Variants in HEMK2 observed in about 807,000 individuals in gnomAD.
HEMK2 encodes methyltransferase HEMK2.
At chr21:28,687,038 T>C in the HEMK2 span, among the ~76,000 whole-genome samples, 1 of 152,110 alleles carries the variant, frequency 6.6e-6, no homozygotes, top group East Asian at 1.9e-4. Context: ...GTATCAGAGG[T>C]TGAACAAAAG....
chr21:28,818,538 C>T, the HEMK2 span, among the ~76,000 whole-genome samples: 1 of 152,176 alleles, frequency 6.6e-6, no homozygotes, highest in Non-Finnish European at 1.5e-5. Flanking sequence ...TAGACAGAGC[C>T]TGAGACCCTC....
chr21:28,647,549 A>G, the HEMK2 span, among the ~76,000 whole-genome samples: 2 of 149,932 alleles, frequency 1.3e-5, no homozygotes, highest in Non-Finnish European at 3.0e-5. Flanking sequence ...GCACTGGGGG[A>G]ATTCTGAGGG....
chr21:28,661,034 T>C, the HEMK2 span, among the ~76,000 whole-genome samples: 1,277 of 152,230 alleles, frequency 8.4e-3, 14 homozygotes, highest in African/African-American at 0.029. Context: ...TTGTTAAAAA[T>C]ATCTTACCTT....
chr21:28,712,191 T>C, the HEMK2 span, among the ~76,000 whole-genome samples: 1 of 152,188 alleles, frequency 6.6e-6, no homozygotes, highest in Admixed American at 6.6e-5. Context: ...AAAGGATCCC[T>C]GGTTGCCCAC....
At chr21:28,850,016 C>T in the HEMK2 span, among the ~76,000 whole-genome samples, 1 of 152,050 alleles carries the variant, frequency 6.6e-6, no homozygotes, top group African/African-American at 2.4e-5. Context: ...GCACAGAACC[C>T]CTGTGAGATA....
At chr21:28,799,970 A>G in the HEMK2 span, among the ~76,000 whole-genome samples, 7 of 152,226 alleles carry the variant, frequency 4.6e-5, no homozygotes, top group Admixed American at 1.3e-4. Flanking sequence ...TACAAGTAAG[A>G]GCATTTTCCA....
At chr21:28,821,386 A>G in the HEMK2 span, among the ~76,000 whole-genome samples, 1 of 152,232 alleles carries the variant, frequency 6.6e-6, no homozygotes, top group Non-Finnish European at 1.5e-5. Flanking sequence ...TGGAGATAAT[A>G]GCAAAACTGG....
At chr21:28,883,372 G>A in the HEMK2 span, among the ~76,000 whole-genome samples, 2 of 152,072 alleles carry the variant, frequency 1.3e-5, no homozygotes, top group Non-Finnish European at 1.5e-5. Flanking sequence ...TGTTAATCTA[G>A]GGTTGGAAAT....
chr21:28,776,935 C>A, the HEMK2 span, among the ~76,000 whole-genome samples: 3 of 152,154 alleles, frequency 2.0e-5, no homozygotes, highest in African/African-American at 7.2e-5. Flanking sequence ...GCCACTGACT[C>A]AAAAGTTAAT....
At chr21:28,853,756 A>AC in the HEMK2 span, among the ~76,000 whole-genome samples, 2 of 152,214 alleles carry the variant, frequency 1.3e-5, no homozygotes, top group East Asian at 3.8e-4. Flanking sequence ...GGATGTTGCC[A>AC]CTATTGGAGT....
chr21:28,643,265 G>C, the HEMK2 span, among the ~76,000 whole-genome samples: 1 of 152,214 alleles, frequency 6.6e-6, no homozygotes, highest in Non-Finnish European at 1.5e-5. Context: ...ATGGTGGCAG[G>C]AGGTTGGGAC....
chr21:28,659,868 G>A, the HEMK2 span, among the ~76,000 whole-genome samples: 1 of 152,004 alleles, frequency 6.6e-6, no homozygotes, highest in African/African-American at 2.4e-5. Context: ...ATATGTGCAA[G>A]CACATAAAAA....
the HEMK2 span, among the ~76,000 whole-genome samples, chr21:28,859,775 C>G: frequency 6.6e-6 from 1 of 152,086 alleles, no homozygotes; most frequent in African/African-American, 2.4e-5. Flanking sequence ...GTGTGGAAAC[C>G]TCAGGCTCAC....
At chr21:28,839,794 A>T in the HEMK2 span, among the ~76,000 whole-genome samples, 4 of 152,214 alleles carry the variant, frequency 2.6e-5, no homozygotes, top group Admixed American at 6.5e-5. Context: ...CATACTGCCA[A>T]GAGCAATCTA....
chr21:28,722,043 G>C, the HEMK2 span, among the ~76,000 whole-genome samples: 1 of 151,356 alleles, frequency 6.6e-6, no homozygotes, highest in East Asian at 1.9e-4. Flanking sequence ...GATATAAAAA[G>C]AAACAGACAT....
the HEMK2 span, among the ~76,000 whole-genome samples, chr21:28,687,288 A>T: frequency 6.6e-6 from 1 of 152,120 alleles, no homozygotes; most frequent in South Asian, 2.1e-4. Context: ...TGGGGCTAGG[A>T]CCCCTGGATT....
the HEMK2 span, among the ~76,000 whole-genome samples, chr21:28,735,249 A>G: frequency 6.6e-6 from 1 of 152,294 alleles, no homozygotes; most frequent in South Asian, 2.1e-4. Flanking sequence ...AGTCTAGTAC[A>G]ATAGGACTGG....
chr21:28,744,121 A>G, the HEMK2 span, among the ~76,000 whole-genome samples: 6 of 150,540 alleles, frequency 4.0e-5, no homozygotes, highest in Non-Finnish European at 8.9e-5. Flanking sequence ...GGTTCAGAAG[A>G]GAAAAAACTA....
the HEMK2 span, among the ~76,000 whole-genome samples, chr21:28,852,863 A>C: frequency 2.6e-5 from 4 of 152,216 alleles, no homozygotes; most frequent in African/African-American, 9.7e-5. Context: ...GTCAGAGCTC[A>C]ACATAAGTCA....
Sources: allele counts gnomAD v4.1 joint callset (sites outside exome capture counted in the v4.1 genomes callset), GRCh38; gene constraint gnomAD v4.1.1; transcripts MANE v1.5; gene names NCBI Gene and HGNC (gene_info 2026-07-23, HGNC 2026-07-21).